The following FBN2 variants were observed in gnomAD, a reference collection of about 807,000 sequenced individuals.
FBN2 encodes the protein fibrillin 2, also known as fibrillin-2.
In FBN2, 105 loss-of-function variants were observed where a neutral mutation model predicts 355.6. The observed-to-expected ratio is 0.30, with a 90% confidence interval of 0.25 to 0.35. The LOEUF is 0.35. Ranked by LOEUF, FBN2 falls within the 10% of genes least tolerant of loss-of-function variation. The pLI is 1.00. For missense variants in FBN2, 3,280 were observed against 3,758.7 expected (o/e 0.87, Z 3.33); for synonymous variants, 1,350 against 1,301.2 (o/e 1.04, Z -0.81).
At chr5:128,360,903 A>T (rs868754550) in intron 19 of FBN2, among the ~76,000 whole-genome samples, 2 of 152,212 alleles carry the variant, frequency 1.3e-5, no homozygotes, top group South Asian at 4.1e-4. Flanking sequence ...TCTATTACAA[A>T]GTAGTAATTG....
rs1201683263 is a variant in FBN2, at chr5:128,289,875, A to G, written c.6511+7T>C. On this transcript the variant is annotated splice_region_variant and intron_variant, in intron 51 of 64. Transcript: ENST00000262464. ...AGAATATAGGAATAAAATATATCAA[A>G]GCGTACCTTCACGTGTATCATGAAG... 3.9e-6 allele frequency: 6 copies of G among 1,537,146 alleles called. No homozygotes were observed. The highest frequency in any genetic ancestry group is 1.4e-5 in the African/African-American group (1 of 73,484).
rs775157528 is a variant in FBN2, at chr5:128,338,005, T to A, written c.3590A>T (p.Asp1197Val). 1 of 1,614,130 alleles carries A rather than the reference T, an allele frequency of 6.2e-7. No individual in the cohort carries two copies. The highest frequency in any genetic ancestry group is 8.5e-7 in the Non-Finnish European group (1 of 1,179,994). The change falls in exon 27 of 65, where the codon GAC becomes GTC. Residue 1197 changes from aspartate to valine, a missense_variant. By Grantham distance (152) the Asp-to-Val change is radical. Transcript: ENST00000262464. ...TGAGGAGATAAACTCACCCACACAGTCCTCACGGGATGGTGACAGCTCGTG... is the reference window on the plus strand; with the variant it reads ...TGAGGAGATAAACTCACCCACACAGACCTCACGGGATGGTGACAGCTCGTG... ...LGHELSPSRE[D>V]CVDINECSLS...
At chr5:128,479,079 A>G (rs1755084770) in intron 5 of FBN2, among the ~76,000 whole-genome samples, 1 of 152,244 alleles carries the variant, frequency 6.6e-6, no homozygotes, top group African/African-American at 2.4e-5. Context: ...CCTCCAGATG[A>G]CATCACTACT....
In FBN2 at chr5:128,357,325, A is replaced by G. The variant is rs371502563; in HGVS notation, c.2625T>C (p.Cys875=). 251 of 1,613,852 alleles carry G rather than the reference A, an allele frequency of 1.6e-4. 1 individual carries two copies. Among genetic ancestry groups the G allele is most frequent in the Non-Finnish European group, 1.9e-4 (225 of 1,179,866 alleles). The change falls in exon 20 of 65, where the codon TGT becomes TGC. Residue 875 remains cysteine (C), a synonymous_variant. Transcript: ENST00000262464. The stretch of plus-strand genomic sequence containing the variant: ...TGAGTTTGCTGCCGGGCGAACATTC[A>G]CAATTGAAAGATCCAAGGTTGTTTC... ...ACRNNLGSFN[C]ECSPGSKLSS...
At chr5:128,345,633 T>C (rs182186173) in intron 23 of FBN2, 49 bp from the exon 24 acceptor site, 6 of 1,512,830 alleles carry the variant, frequency 4.0e-6, no homozygotes, top group Non-Finnish European at 5.5e-6. Flanking sequence ...AAACATCCAT[T>C]GAACAGTCAC....
At chr5:128,309,106 A>C (rs1749963681) in intron 41 of FBN2, 141 bp downstream of exon 41, 1 of 803,514 alleles carries the variant, frequency 1.2e-6, no homozygotes, top group Admixed American at 2.1e-5. Flanking sequence ...ATCACTTGGG[A>C]AACAGAACCA....
rs778383061 is a variant in FBN2 at position 128,464,935 on chromosome 5, GAAGA to G, written c.629-18_629-15del. The G allele has an allele frequency of 5.0e-6, 8 of 1,613,272 alleles. No homozygotes were observed. In the African/African-American group the frequency reaches 6.7e-5, roughly 13 times the overall value. ...CTGTCCTGTAATCTGGAATGTGGGA[GAAGA>G]AAGAAAGACAGGTTTTATGATCATA... On this transcript the variant is annotated splice_polypyrimidine_tract_variant and intron_variant, in intron 5 of 64. Coordinates refer to ENST00000262464, the MANE Select transcript of FBN2 (RefSeq NM_001999.4).
intron 5 of FBN2, among the ~76,000 whole-genome samples, chr5:128,467,415 A>G (rs1274260534): frequency 6.6e-6 from 1 of 152,154 alleles, no homozygotes; most frequent in Non-Finnish European, 1.5e-5. Flanking sequence ...TAAACTTACA[A>G]TCTTATCTAC....
chr5:128,279,544 GA>G (rs1765480977), intron 56 of FBN2, among the ~76,000 whole-genome samples: 1 of 152,050 alleles, frequency 6.6e-6, no homozygotes, highest in Admixed American at 6.5e-5. Context: ...TGAAGCATAT[GA>G]CGTCATTCAG....
At chr5:128,395,049 G>A (rs1288170333) in intron 9 of FBN2, 73 bp downstream of exon 9, 57 of 1,562,806 alleles carry the variant, frequency 3.6e-5, no homozygotes, top group African/African-American at 2.7e-5. Context: ...GTCTCCCAGA[G>A]AGCAAAATAC....
intron 20 of FBN2, among the ~76,000 whole-genome samples, chr5:128,352,465 G>A (rs1220202022): frequency 1.3e-5 from 2 of 152,150 alleles, no homozygotes; most frequent in East Asian, 1.9e-4. Flanking sequence ...ATAACGAATG[G>A]TTAGTATATT....
intron 7 of FBN2, among the ~76,000 whole-genome samples, chr5:128,442,546 T>C (rs955233271): frequency 5.9e-5 from 9 of 152,082 alleles, no homozygotes; most frequent in African/African-American, 2.2e-4. Context: ...AACCTTCTCT[T>C]TGCATGTGAA....
intron 7 of FBN2, among the ~76,000 whole-genome samples, chr5:128,434,967 G>C (rs1753736856): frequency 6.6e-6 from 1 of 152,000 alleles, no homozygotes; most frequent in Non-Finnish European, 1.5e-5. Context: ...GTCATCTTTA[G>C]CAGACACTGA....
chr5:128,406,820 C>T (rs1356736828), intron 8 of FBN2, among the ~76,000 whole-genome samples: 1 of 152,052 alleles, frequency 6.6e-6, no homozygotes, highest in East Asian at 1.9e-4. Context: ...GAAAACAAAA[C>T]CATGGAAAGT....
intron 46 of FBN2, 59 bp from the exon 47 acceptor site, chr5:128,301,569 C>G (rs1244850447): frequency 8.6e-6 from 13 of 1,518,780 alleles, no homozygotes; most frequent in South Asian, 1.1e-5. Context: ...TATTGTTTCA[C>G]AAGACGCTAC....
chr5:128,502,658 T>C (rs960394015), intron 5 of FBN2, among the ~76,000 whole-genome samples: 1 of 152,168 alleles, frequency 6.6e-6, no homozygotes, highest in Non-Finnish European at 1.5e-5. Context: ...AGAGATTGTA[T>C]AATGTTGGTA....
intron 6 of FBN2, among the ~76,000 whole-genome samples, chr5:128,460,775 T>C (rs757445541): frequency 1.1e-4 from 16 of 152,116 alleles, no homozygotes; most frequent in Non-Finnish European, 1.5e-4. Flanking sequence ...TCCTAATTAG[T>C]AAATGGTGCT....
At chr5:128,263,138 C>G (rs1765018269) in intron 63 of FBN2, among the ~76,000 whole-genome samples, 1 of 152,218 alleles carries the variant, frequency 6.6e-6, no homozygotes, top group Non-Finnish European at 1.5e-5. Flanking sequence ...CTGTTTGTCT[C>G]TGGCCTTGGG....
intron 48 of FBN2, among the ~76,000 whole-genome samples, chr5:128,293,926 T>C (rs255728): frequency 0.72 from 108,412 of 151,362 alleles, 38,882 homozygotes; most frequent in East Asian, 0.86. Context: ...CATGCTGGTG[T>C]GCTGCACCCA....
Sources: gnomAD v4.1 joint callset for allele counts (sites outside exome capture counted in the v4.1 genomes callset) on GRCh38, gnomAD v4.1.1 for gene constraint, MANE v1.5 for transcripts, NCBI Gene and HGNC (gene_info 2026-07-23, HGNC 2026-07-21) for gene names.